Variants in EEF1E1 observed in about 807,000 individuals in gnomAD.
The protein encoded by EEF1E1 is eukaryotic translation elongation factor 1 epsilon 1.
EEF1E1 carries 19 observed loss-of-function variants against 19.9 expected under a neutral mutation model. The observed-to-expected ratio is 0.95, with a 90% CI of 0.66 to 1.40. EEF1E1 has a LOEUF of 1.40. Among genes scored for constraint, EEF1E1 ranks in the 40% most tolerant of loss-of-function variants. The pLI, the probability that EEF1E1 is intolerant of heterozygous loss-of-function variation, is 0.00. For synonymous variants in EEF1E1, 81 were observed against 80.0 expected, an observed-to-expected ratio of 1.01 and a Z score of -0.07; for missense variants, 198 against 202.2, an observed-to-expected ratio of 0.98 and a Z score of 0.13.
At chr6:8,073,644 T>A in intron 3 of EEF1E1, 1 of 1,270,546 alleles carries the variant, frequency 7.9e-7, no homozygotes, top group African/African-American at 1.5e-5. Flanking sequence ...TAAAAAGTAT[T>A]AACAGATCTT....
intron 1 of EEF1E1, among the ~76,000 whole-genome samples, chr6:8,100,451 A>C (rs1758316375): frequency 6.6e-6 from 1 of 152,188 alleles, no homozygotes; most frequent in Non-Finnish European, 1.5e-5. Flanking sequence ...GGAAAGCAAA[A>C]AGAGAAGGGC....
chr6:8,083,256 C>T (rs1382698389), intron 3 of EEF1E1, among the ~76,000 whole-genome samples: 1 of 152,188 alleles, frequency 6.6e-6, no homozygotes, highest in Admixed American at 6.5e-5. Context: ...TTCCAACTGG[C>T]ACCACGTTGC....
rs550075642 is a variant in EEF1E1, at chr6:8,090,677, T to C, written c.289-396A>G. ...TTAGAGAATTCTAAGAAACTCTATA[T>C]CCATGAAACAATAATTCACCCATTT... On this transcript the variant is annotated intron_variant, in intron 2 of 3. Coordinates refer to ENST00000379715, the MANE Select transcript of EEF1E1 (RefSeq NM_004280.5). Among the ~76,000 whole-genome samples the C allele has an allele frequency of 1.8e-3, 272 of 152,324 alleles. 3 individuals carry two copies. The highest frequency in any genetic ancestry group is 6.3e-3 in the African/African-American group (261 of 41,576).
chr6:8,095,989 C>A (rs1422817256), intron 2 of EEF1E1, among the ~76,000 whole-genome samples: 6 of 152,142 alleles, frequency 3.9e-5, no homozygotes, highest in African/African-American at 1.4e-4. Context: ...TGCAGATGAG[C>A]AAACTGCGGT....
At chr6:8,094,318 C>T (rs1033833551) in intron 2 of EEF1E1, among the ~76,000 whole-genome samples, 10 of 151,706 alleles carry the variant, frequency 6.6e-5, no homozygotes, top group Non-Finnish European at 2.9e-5. Flanking sequence ...CTAAGGACGC[C>T]GGGTGCGGTG....
In EEF1E1 at chr6:8,079,536, T is replaced by C. The variant is rs368472345; in HGVS notation, c.*354A>G. On this transcript the variant is annotated 3_prime_UTR_variant, in exon 4 of 4. Transcript: ENST00000379715. ...CATAAGGGGAAAATGAATTTTAGAA[T>C]ATGAAAGAGAGGTTAATAAATAGCC... is the stretch of plus-strand genomic sequence containing the variant. The C allele has an allele frequency of 3.6e-5, 36 of 1,000,842 alleles. 1 individual carries two copies. The East Asian group carries it at 8.0e-4, about 22-fold the overall frequency. The allele number at this position is 1,000,842 out of a possible 1,614,324, so 62.0% of individuals were successfully genotyped here.
intron 1 of EEF1E1, chr6:8,101,996 T>C (rs1758379182): frequency 1.6e-6 from 2 of 1,240,096 alleles, no homozygotes; most frequent in Admixed American, 2.6e-5. Flanking sequence ...AAATCATCAT[T>C]GTATTCCCCA....
downstream of EEF1E1, among the ~76,000 whole-genome samples, chr6:8,076,441 A>G (rs1021860419): frequency 1.2e-4 from 18 of 151,898 alleles, no homozygotes; most frequent in African/African-American, 3.9e-4. Flanking sequence ...CTCCTGTCTC[A>G]GCCTCTGGAG....
downstream of EEF1E1, chr6:8,079,334 TTCAGTAG>T (rs1391756839): frequency 4.6e-6 from 4 of 868,006 alleles, no homozygotes; most frequent in Non-Finnish European, 4.2e-6. Flanking sequence ...CGTAGGGCAG[TTCAGTAG>T]TTAGTTTCAC....
Position 8,090,224 on chromosome 6 carries a change from C to T in EEF1E1, c.346G>A (p.Ala116Thr), listed in dbSNP as rs779864687. ...VYLTGYNFTL[A>T]DILLYYGLHR... ...AGTCCATAGTACAATAGTATATCTG[C>T]TAATGTAAAGTTATACCCTGTAAGG... The change falls in exon 3 of 4, where the codon GCA becomes ACA. Residue 116 changes from alanine to threonine, a missense_variant. Ala to Thr is a moderately conservative substitution (Grantham distance 58, BLOSUM62 0). Transcript: ENST00000379715. 6.6e-7 allele frequency: 1 copy of T among 1,522,170 alleles called. No individual in the cohort carries two copies. Among genetic ancestry groups the T allele is most frequent in the Non-Finnish European group, 8.7e-7 (1 of 1,143,438 alleles). The allele number at this position is 1,522,170 out of a possible 1,614,324, so 94.3% of individuals were successfully genotyped here. A position where few individuals can be genotyped will look rare whatever the true frequency, so the allele number is the denominator to read the frequency against.
chr6:8,092,935 C>T (rs140715492), intron 2 of EEF1E1, among the ~76,000 whole-genome samples: 3,840 of 128,208 alleles, frequency 0.03, 168 homozygotes, highest in African/African-American at 0.098. Context: ...AGTACAGTGG[C>T]GTGATCTGGG....
At position 8,090,179 on chromosome 6, in the gene EEF1E1, T is replaced by C. The variant is rs1757977263; in HGVS notation, c.384+7A>G. On this transcript the variant is annotated splice_region_variant and intron_variant, in intron 3 of 3. Coordinates refer to ENST00000379715, the MANE Select transcript of EEF1E1 (RefSeq NM_004280.5). ...GAAAAAAAGCCAGTAACTATACAAA[T>C]ACTCACTATAAAGCGATGAAGTCCA... 6.6e-7 allele frequency: 1 copy of C among 1,519,396 alleles called. No individual in the cohort carries two copies. Among genetic ancestry groups the C allele is most frequent in the Non-Finnish European group, 8.8e-7 (1 of 1,138,280 alleles). 94.1% of individuals were successfully genotyped at this position (1,519,396 alleles called of 1,614,324 possible).
In EEF1E1 at chr6:8,102,149, C is replaced by T. The variant is rs1213696945; in HGVS notation, c.87+286G>A. ...GTTGGTCTAAGAGCCCTGTGAGGAC[C>T]CTCCTCCAACTGGTTTTGTTTCCTC... is the stretch of plus-strand genomic sequence containing the variant. On this transcript the variant is annotated intron_variant, in intron 1 of 3. Transcript: ENST00000379715. The T allele has an allele frequency of 3.9e-6, 5 of 1,277,372 alleles. No homozygotes were observed. In the East Asian group the frequency reaches 1.6e-4, roughly 41 times the overall value. The allele number at this position is 1,277,372 out of a possible 1,614,324, so 79.1% of individuals were successfully genotyped here. A position where few individuals can be genotyped will look rare whatever the true frequency, so the allele number is the denominator to read the frequency against.
chr6:8,082,179 CTA>C, intron 3 of EEF1E1, among the ~76,000 whole-genome samples: 1 of 152,120 alleles, frequency 6.6e-6, no homozygotes, highest in African/African-American at 2.4e-5. Context: ...TTTGGAGTCT[CTA>C]GAGTCAGGAT....
At chr6:8,099,791 C>CACACACAAAAA (rs768224090) in intron 1 of EEF1E1, among the ~76,000 whole-genome samples, 2 of 114,626 alleles carry the variant, frequency 1.7e-5, no homozygotes, top group African/African-American at 6.6e-5. Context: ...CACACACACA[C>CACACACAAAAA]AAAAAAAAAA....
chr6:8,074,712 A>G (rs1214723690), downstream of EEF1E1, among the ~76,000 whole-genome samples: 1 of 152,246 alleles, frequency 6.6e-6, no homozygotes, highest in Non-Finnish European at 1.5e-5. Flanking sequence ...TTTGATCTGG[A>G]TGCTGAGAAT....
intron 1 of EEF1E1, 74 bp from the exon 2 acceptor site, chr6:8,097,541 C>A (rs544763906): frequency 2.6e-6 from 3 of 1,164,554 alleles, no homozygotes; most frequent in Admixed American, 2.5e-5. Flanking sequence ...TAAGTAACCA[C>A]GAAATCCCTC....
chr6:8,101,685 C>A, intron 1 of EEF1E1: 3 of 1,177,668 alleles, frequency 2.5e-6, no homozygotes, highest in Middle Eastern at 2.4e-4. Flanking sequence ...AACCAATTTC[C>A]TTCTCTAATA....
rs115373368 is a variant in EEF1E1, at chr6:8,080,453, C to T, written c.385-423G>A. Among the ~76,000 whole-genome samples the T allele has an allele frequency of 1.8e-3, 270 of 152,320 alleles. 2 individuals carry two copies. The highest frequency in any genetic ancestry group is 6.2e-3 in the African/African-American group (259 of 41,572). ...TATTGCTTAATATAAGGAGGGGCTA[C>T]TTCCAGTGGTGTGTGACTCAGATGA... On this transcript the variant is annotated intron_variant, in intron 3 of 3. Coordinates refer to ENST00000379715, the MANE Select transcript of EEF1E1 (RefSeq NM_004280.5).
Sources: gnomAD v4.1 joint callset for allele counts (sites outside exome capture counted in the v4.1 genomes callset) on GRCh38, gnomAD v4.1.1 for gene constraint, MANE v1.5 for transcripts, NCBI Gene and HGNC (gene_info 2026-07-23, HGNC 2026-07-21) for gene names.